LRRC37A2: variants seen among roughly 807,000 people sequenced by gnomAD.
The protein encoded by LRRC37A2 is leucine-rich repeat-containing protein 37A2.
Under a neutral mutation model 68.8 loss-of-function variants are expected in LRRC37A2, and 9 were observed. The ratio of observed to expected loss-of-function variants is 0.13; its 90% CI spans 0.08 to 0.23. The LOEUF is 0.23. Ranked by LOEUF, LRRC37A2 falls within the 10% of genes least tolerant of loss-of-function variation. The probability of loss-of-function intolerance (pLI) is 1.00; values close to 1 mark genes in which losing one functional copy is unlikely to be tolerated. For missense variants in LRRC37A2, 168 were observed against 950.4 expected (o/e 0.18, Z 10.82); for synonymous variants, 63 against 367.6 (o/e 0.17, Z 9.48).
chr17:46,779,129 G>C, the LRRC37A2 span, among the ~76,000 whole-genome samples: 1 of 132,462 alleles, frequency 7.5e-6, no homozygotes, highest in African/African-American at 2.9e-5. Context: ...CCTTCCAAAG[G>C]GCCGGGCACA....
At chr17:46,942,843 A>G in the LRRC37A2 span, among the ~76,000 whole-genome samples, 2 of 152,178 alleles carry the variant, frequency 1.3e-5, no homozygotes, top group Non-Finnish European at 2.9e-5. Flanking sequence ...TGGAAGGCAC[A>G]TGGGAGAGGA....
the LRRC37A2 span, among the ~76,000 whole-genome samples, chr17:46,771,847 G>A: frequency 3.5e-5 from 5 of 144,270 alleles, no homozygotes; most frequent in Non-Finnish European, 7.7e-5. Flanking sequence ...CGGTGCTCGG[G>A]CGCTTTTCAG....
the LRRC37A2 span, chr17:46,965,024 A>C: frequency 1.3e-5 from 2 of 152,168 alleles, no homozygotes; most frequent in Non-Finnish European, 2.9e-5. Context: ...AATTCACTGG[A>C]GTTTTTCACC....
At chr17:46,805,595 A>T in the LRRC37A2 span, among the ~76,000 whole-genome samples, 1 of 152,118 alleles carries the variant, frequency 6.6e-6, no homozygotes, top group African/African-American at 2.4e-5. Context: ...AAAAATAAAA[A>T]TTAAAAAAAT....
chr17:46,901,834 T>C, the LRRC37A2 span, among the ~76,000 whole-genome samples: 1 of 134,204 alleles, frequency 7.5e-6, no homozygotes, highest in African/African-American at 3.3e-5. Flanking sequence ...TGAGACAGAG[T>C]CTCACTCTGT....
the LRRC37A2 span, chr17:46,769,665 GA>G: frequency 2.8e-6 from 4 of 1,413,198 alleles, no homozygotes; most frequent in Non-Finnish European, 2.9e-6. Flanking sequence ...TGGCCAAGGG[GA>G]AAAGGAGCCC....
At chr17:46,748,562 C>G in the LRRC37A2 span, among the ~76,000 whole-genome samples, 1 of 152,104 alleles carries the variant, frequency 6.6e-6, no homozygotes, top group Admixed American at 6.5e-5. Flanking sequence ...GCAGCATAGA[C>G]AGGGGAATAG....
chr17:46,961,298 G>T, the LRRC37A2 span, among the ~76,000 whole-genome samples: 2 of 152,178 alleles, frequency 1.3e-5, no homozygotes, highest in Admixed American at 1.3e-4. Flanking sequence ...AGCACTTTGG[G>T]AGGCTGAGGC....
At chr17:46,925,177 C>T in the LRRC37A2 span, among the ~76,000 whole-genome samples, 6 of 152,162 alleles carry the variant, frequency 3.9e-5, no homozygotes, top group Non-Finnish European at 8.8e-5. Flanking sequence ...GTGGGCTATA[C>T]GGTCTCTGTA....
the LRRC37A2 span, among the ~76,000 whole-genome samples, chr17:46,712,319 T>C: frequency 6.6e-6 from 1 of 152,362 alleles, no homozygotes; most frequent in East Asian, 1.9e-4. Context: ...GCACATATTA[T>C]CTATTTAAAC....
At chr17:46,753,289 C>T in the LRRC37A2 span, among the ~76,000 whole-genome samples, 3 of 152,194 alleles carry the variant, frequency 2.0e-5, no homozygotes, top group African/African-American at 7.2e-5. Context: ...TTCACAGTTA[C>T]ATCTGAAATA....
the LRRC37A2 span, among the ~76,000 whole-genome samples, chr17:46,740,431 TAGAA>T: frequency 6.6e-6 from 1 of 152,094 alleles, no homozygotes; most frequent in Non-Finnish European, 1.5e-5. Flanking sequence ...AAAATTAAAT[TAGAA>T]AGGAGAATAT....
chr17:46,748,718 G>A, the LRRC37A2 span, among the ~76,000 whole-genome samples: 1 of 152,156 alleles, frequency 6.6e-6, no homozygotes, highest in African/African-American at 2.4e-5. Flanking sequence ...ATTTCTTCAA[G>A]AACACAACTT....
the LRRC37A2 span, among the ~76,000 whole-genome samples, chr17:46,747,133 A>G: frequency 6.6e-6 from 1 of 152,234 alleles, no homozygotes; most frequent in Non-Finnish European, 1.5e-5. Context: ...TTCCATTCAT[A>G]GTTTAGCTCT....
the LRRC37A2 span, among the ~76,000 whole-genome samples, chr17:47,047,854 G>A: frequency 6.6e-6 from 1 of 150,982 alleles, no homozygotes; most frequent in South Asian, 2.1e-4. Flanking sequence ...AAACCTTTCT[G>A]TTCACAGAAC....
At chr17:46,790,363 T>C in the LRRC37A2 span, among the ~76,000 whole-genome samples, 2 of 152,114 alleles carry the variant, frequency 1.3e-5, no homozygotes, top group Non-Finnish European at 2.9e-5. Flanking sequence ...TAAGTGGCCC[T>C]GCTGAGCTTA....
At chr17:47,011,304 C>G in the LRRC37A2 span, among the ~76,000 whole-genome samples, 2 of 152,096 alleles carry the variant, frequency 1.3e-5, no homozygotes, top group African/African-American at 4.8e-5. Flanking sequence ...AATCCCAGCA[C>G]TTTGGGAGGC....
the LRRC37A2 span, among the ~76,000 whole-genome samples, chr17:46,605,549 G>A: frequency 7.8e-6 from 1 of 127,866 alleles, no homozygotes; most frequent in African/African-American, 2.9e-5. Context: ...CCATAAGACA[G>A]GGAGTAATAT....
chr17:46,887,490 C>T, the LRRC37A2 span, among the ~76,000 whole-genome samples: 6 of 151,880 alleles, frequency 4.0e-5, no homozygotes, highest in South Asian at 2.1e-4. Context: ...GAGGGCCAGG[C>T]GTGGTGGCTC....
Sources: allele counts gnomAD v4.1 joint callset (sites outside exome capture counted in the v4.1 genomes callset), GRCh38; gene constraint gnomAD v4.1.1; transcripts MANE v1.5; gene names NCBI Gene and HGNC (gene_info 2026-07-23, HGNC 2026-07-21).